Variants in PTPN12 observed in about 807,000 individuals in gnomAD.
PTPN12 encodes tyrosine-protein phosphatase non-receptor type 12.
PTPN12 carries 29 observed loss-of-function variants against 97.6 expected under a neutral mutation model. That is an observed-to-expected ratio of 0.30 (90% confidence interval 0.22 to 0.41). PTPN12 has a LOEUF of 0.41. Ranked by LOEUF, PTPN12 falls within the 10% of genes least tolerant of loss-of-function variation. The pLI, the probability that PTPN12 is intolerant of heterozygous loss-of-function variation, is 1.00. For synonymous variants in PTPN12, 327 were observed against 300.4 expected (o/e 1.09, Z -0.91); for missense variants, 819 against 926.0 (o/e 0.88, Z 1.50).
In PTPN12 at chr7:77,575,473, A is replaced by C. The variant is rs1220896188; in HGVS notation, c.208+4287A>C. 5.3e-5 allele frequency among the ~76,000 whole-genome samples: 8 copies of C among 152,142 alleles called. No homozygotes were observed. The East Asian group carries it at 1.3e-3, about 26-fold the overall frequency. On this transcript the variant is annotated intron_variant, in intron 2 of 17. Coordinates refer to ENST00000248594, the MANE Select transcript of PTPN12 (RefSeq NM_002835.4). Reference sequence around the variant, plus strand: ...CAGTGAACTATGATTGCACCACTGCACTCCAGCCTGGGTAACAGAGCGAGA... The same window carrying C: ...CAGTGAACTATGATTGCACCACTGCCCTCCAGCCTGGGTAACAGAGCGAGA...
Position 77,600,678 on chromosome 7 carries a change from GTATCAGT to G in PTPN12, c.569_575del (p.Tyr190PhefsTer4). ...TTTTCTTGAAGGAATCTCGTAGGCT[GTATCAGT>G]TTCATTATGTGAACTGGCCAGACCA... On this transcript the variant is annotated frameshift_variant, in exon 8 of 18. Coordinates refer to ENST00000248594, the MANE Select transcript of PTPN12 (RefSeq NM_002835.4). LOFTEE classifies it high-confidence loss of function. The G allele has an allele frequency of 6.2e-7, 1 of 1,602,930 alleles. No homozygotes were observed. The highest frequency in any genetic ancestry group is 8.5e-7 in the Non-Finnish European group (1 of 1,176,632).
chr7:77,625,514 T>TCTCA (rs1789128700), intron 12 of PTPN12, among the ~76,000 whole-genome samples: 1 of 105,634 alleles, frequency 9.5e-6, no homozygotes, highest in Non-Finnish European at 2.0e-5. Flanking sequence ...TCTCTCTCTC[T>TCTCA]CTCTCTCTCA....
chr7:77,537,386 G>C lies in PTPN12; in HGVS notation c.-161G>C, dbSNP rs887194598. On this transcript the variant is annotated 5_prime_UTR_variant, in exon 1 of 18. Coordinates refer to ENST00000248594, the MANE Select transcript of PTPN12 (RefSeq NM_002835.4). ...GAGCCCAGCCGGTGCCGCCGCAGCC[G>C]CCGCCTAGGGCGGTGGGGAGGAGGA... 4.8e-6 allele frequency: 5 copies of C among 1,035,646 alleles called. No individual in the cohort carries two copies. In the African/African-American group the frequency reaches 7.1e-5, roughly 15 times the overall value. 64.2% of individuals were successfully genotyped at this position (1,035,646 alleles called of 1,614,324 possible). A position where few individuals can be genotyped will look rare whatever the true frequency, so the allele number is the denominator to read the frequency against.
intron 1 of PTPN12, among the ~76,000 whole-genome samples, chr7:77,550,895 TCCACTTTTGCCTTGACTGGA>T (rs1268973962): frequency 6.6e-6 from 1 of 152,198 alleles, no homozygotes; most frequent in Admixed American, 6.5e-5. Context: ...TCTTGACTGG[TCCACTTTTGCCTTGACTGGA>T]CCACTGCCAC....
At chr7:77,590,480 G>A (rs1038855894) in intron 5 of PTPN12, among the ~76,000 whole-genome samples, 11 of 152,100 alleles carry the variant, frequency 7.2e-5, no homozygotes, top group African/African-American at 2.7e-4. Context: ...GGAGGCTAGG[G>A]TGGGAGAATT....
intron 1 of PTPN12, among the ~76,000 whole-genome samples, chr7:77,568,270 G>A (rs1808338139): frequency 6.6e-6 from 1 of 152,170 alleles, no homozygotes; most frequent in African/African-American, 2.4e-5. Flanking sequence ...TATGAGAAAT[G>A]TAGTCATTTC....
chr7:77,622,594 C>A (rs1788978447), intron 12 of PTPN12, among the ~76,000 whole-genome samples: 1 of 151,790 alleles, frequency 6.6e-6, no homozygotes, highest in Admixed American at 6.6e-5. Flanking sequence ...ATGGTGAAAC[C>A]CAGTCTCTAC....
chr7:77,586,442 A>G (rs543683393), intron 5 of PTPN12, among the ~76,000 whole-genome samples: 1 of 151,318 alleles, frequency 6.6e-6, no homozygotes, highest in African/African-American at 2.4e-5. Flanking sequence ...AGACAGGACC[A>G]GGAACGGTAG....
At chr7:77,597,382 T>G (rs1788055458) in intron 6 of PTPN12, among the ~76,000 whole-genome samples, 1 of 152,138 alleles carries the variant, frequency 6.6e-6, no homozygotes, top group African/African-American at 2.4e-5. Context: ...CTCAGCCTCC[T>G]GAAGTGCTGG....
chr7:77,637,096 T>C, intron 16 of PTPN12, 48 bp downstream of exon 16: 1 of 1,412,980 alleles, frequency 7.1e-7, no homozygotes, highest in Non-Finnish European at 9.9e-7. Flanking sequence ...ATTTTATTGA[T>C]TAATTTCTAC....
chr7:77,571,243 CCTAA>C (rs916420284), intron 2 of PTPN12, 57 bp downstream of exon 2: 2 of 1,043,402 alleles, frequency 1.9e-6, no homozygotes, highest in African/African-American at 3.3e-5. Context: ...CCTTTTGTAA[CCTAA>C]CTAGTTTTAT....
chr7:77,623,636 G>A (rs1484947189), intron 12 of PTPN12, among the ~76,000 whole-genome samples: 1 of 152,188 alleles, frequency 6.6e-6, no homozygotes, highest in African/African-American at 2.4e-5. Flanking sequence ...GCTTGAACCT[G>A]GGAGGCGGCG....
intron 12 of PTPN12, among the ~76,000 whole-genome samples, chr7:77,622,884 C>A (rs1379979355): frequency 3.4e-5 from 5 of 145,922 alleles, no homozygotes; most frequent in Non-Finnish European, 6.2e-5. Context: ...GAAATTCATT[C>A]ATTTCAAGAA....
chr7:77,620,724 C>T (rs1466263492), intron 12 of PTPN12, among the ~76,000 whole-genome samples: 2 of 151,574 alleles, frequency 1.3e-5, no homozygotes, highest in Admixed American at 6.6e-5. Flanking sequence ...CCAAGGCAGG[C>T]GGATCACAAG....
At chr7:77,632,103 A>C (rs958913033) in intron 13 of PTPN12, among the ~76,000 whole-genome samples, 12 of 152,216 alleles carry the variant, frequency 7.9e-5, no homozygotes, top group African/African-American at 2.9e-4. Flanking sequence ...TCAGGCTTGG[A>C]GAACTGAATG....
intron 12 of PTPN12, among the ~76,000 whole-genome samples, chr7:77,618,884 T>C (rs926606166): frequency 2.0e-4 from 30 of 152,226 alleles, no homozygotes; most frequent in Non-Finnish European, 5.9e-5. Flanking sequence ...TGACTAAATA[T>C]GCTTGCCAAA....
rs1451048242 is a variant in PTPN12, at chr7:77,618,524, A to G, written c.984A>G (p.Glu328=). The change falls in exon 12 of 18, where the codon GAA becomes GAG. Residue 328 remains glutamate (E), a synonymous_variant. Transcript: ENST00000248594. ...ACATGGTCAGCTCCATAGAGCCTGA[A>G]AAACAAGATTCTCCTCCTCCAAAAC... ...TENMVSSIEP[E]KQDSPPPKPP... The G allele has an allele frequency of 1.8e-5, 29 of 1,610,260 alleles. No homozygotes were observed. Among genetic ancestry groups the G allele is most frequent in the Non-Finnish European group, 2.5e-5 (29 of 1,177,124 alleles).
Position 77,618,546 on chromosome 7 carries a change from A to G in PTPN12, c.1006A>G (p.Lys336Glu), listed in dbSNP as rs1172289109. ...EPEKQDSPPP[K>E]PPRTRSCLVE... Reference sequence around the variant, plus strand: ...TGAAAAACAAGATTCTCCTCCTCCAAAACCACCAAGGACCCGCAGGTATTG... The same window carrying G: ...TGAAAAACAAGATTCTCCTCCTCCAGAACCACCAAGGACCCGCAGGTATTG... Residue 336 changes from lysine to glutamate, a missense_variant, in exon 12 of 18, where the codon AAA (lysine) becomes GAA (glutamate). Physicochemically the swap from Lys to Glu is moderately conservative, Grantham distance 56. Transcript: ENST00000248594. 4 of 1,606,410 alleles carry G rather than the reference A, an allele frequency of 2.5e-6. No homozygotes were observed. The highest frequency in any genetic ancestry group is 8.5e-7 in the Non-Finnish European group (1 of 1,173,986).
At chr7:77,575,501 G>A (rs1787312596) in intron 2 of PTPN12, among the ~76,000 whole-genome samples, 1 of 152,080 alleles carries the variant, frequency 6.6e-6, no homozygotes, top group African/African-American at 2.4e-5. Context: ...GAGCGAGACT[G>A]TCTCAAAAAA....
Sources: gnomAD v4.1 joint callset for allele counts (sites outside exome capture counted in the v4.1 genomes callset) on GRCh38, gnomAD v4.1.1 for gene constraint, MANE v1.5 for transcripts, NCBI Gene and HGNC (gene_info 2026-07-23, HGNC 2026-07-21) for gene names.